Variants in AGAP1 observed in about 807,000 individuals in gnomAD.
AGAP1 encodes the protein arf-GAP with GTPase, ANK repeat and PH domain-containing protein 1.
In AGAP1, 29 loss-of-function variants were observed where a neutral mutation model predicts 105.3. The ratio of observed to expected loss-of-function variants is 0.28; its 90% CI spans 0.21 to 0.38. The LOEUF (loss-of-function observed/expected upper bound fraction) is 0.38, where lower values mean the gene tolerates loss of function less well. Among genes scored for constraint, AGAP1 ranks in the 10% least tolerant of loss-of-function variants. AGAP1 has a pLI of 1.00. For synonymous variants in AGAP1, 509 were observed against 485.9 expected, an observed-to-expected ratio of 1.05 and a Z score of -0.63; for missense variants, 998 against 1,165.1, an observed-to-expected ratio of 0.86 and a Z score of 2.09.
At chr2:235,924,807 C>T (rs989745224) in intron 11 of AGAP1, among the ~76,000 whole-genome samples, 4 of 152,028 alleles carry the variant, frequency 2.6e-5, no homozygotes, top group South Asian at 2.1e-4. Context: ...CTGTGGAGAG[C>T]GACATTTACT....
intron 6 of AGAP1, among the ~76,000 whole-genome samples, chr2:235,786,895 C>G (rs1020610341): frequency 6.6e-6 from 1 of 152,208 alleles, no homozygotes; most frequent in African/African-American, 2.4e-5. Flanking sequence ...TCCATTGGTC[C>G]TCCTGGCCCT....
At chr2:235,975,631 T>G (rs1575943329) in intron 13 of AGAP1, among the ~76,000 whole-genome samples, 1 of 152,338 alleles carries the variant, frequency 6.6e-6, no homozygotes, top group East Asian at 1.9e-4. Context: ...GCCCAGAAAC[T>G]GTTACCTTCC....
intron 3 of AGAP1, among the ~76,000 whole-genome samples, chr2:235,735,437 A>C (rs192911466): frequency 2.6e-5 from 4 of 152,154 alleles, no homozygotes; most frequent in African/African-American, 4.8e-5. Context: ...CTGTAGCTCA[A>C]CCTCGCGTGA....
chr2:236,047,242 C>G (rs890229449), intron 15 of AGAP1, among the ~76,000 whole-genome samples: 1 of 152,110 alleles, frequency 6.6e-6, no homozygotes, highest in African/African-American at 2.4e-5. Context: ...GGTTGTGCTG[C>G]GTCCATGGTC....
Position 235,793,466 on chromosome 2 carries a change from G to A in AGAP1, c.674-4293G>A, listed in dbSNP as rs932746872. ...TCGTGCTGTGGAACCAGGACAGTCT[G>A]TTGGGGTGCTGGCAGGGTGTTCGAT... On this transcript the variant is annotated intron_variant, in intron 6 of 17. Transcript: ENST00000304032. The surrounding 1 kb of genome is among the most constrained non-coding windows in gnomAD (Gnocchi z 5.3). Among the ~76,000 whole-genome samples, 3 of 152,222 alleles carry A rather than the reference G, an allele frequency of 2.0e-5. No individual in the cohort carries two copies. Among genetic ancestry groups the A allele is most frequent in the African/African-American group, 7.2e-5 (3 of 41,454 alleles).
intron 11 of AGAP1, among the ~76,000 whole-genome samples, chr2:235,923,236 A>G (rs185234724): frequency 2.6e-5 from 4 of 152,236 alleles, no homozygotes; most frequent in Non-Finnish European, 5.9e-5. Context: ...CCAGCATCCT[A>G]TACTGTTTGG....
intron 6 of AGAP1, among the ~76,000 whole-genome samples, chr2:235,767,239 T>C (rs1377063900): frequency 2.0e-5 from 3 of 151,254 alleles, no homozygotes; most frequent in Non-Finnish European, 2.9e-5. Flanking sequence ...GTATAATAAA[T>C]GGACTTATTA....
chr2:235,559,786 T>C lies in AGAP1; in HGVS notation c.163+64937T>C, dbSNP rs1267629995. Among the ~76,000 whole-genome samples, 4 of 152,176 alleles carry C rather than the reference T, an allele frequency of 2.6e-5. No homozygotes were observed. The highest frequency in any genetic ancestry group is 7.2e-5 in the African/African-American group (3 of 41,432). Reference sequence around the variant, plus strand: ...TTATCTTAAAGCATATTTATATATTTGTATATCTTAGGAGAAATACCTATT... The same window carrying C: ...TTATCTTAAAGCATATTTATATATTCGTATATCTTAGGAGAAATACCTATT... On this transcript the variant is annotated intron_variant, in intron 1 of 17. Transcript: ENST00000304032. The surrounding 1 kb of genome is among the most constrained non-coding windows in gnomAD (Gnocchi z 5.7).
At position 235,774,130 on chromosome 2, in the gene AGAP1, G is replaced by A. The variant is rs114760750; in HGVS notation, c.674-23629G>A. 1,126 of 390,200 alleles carry A rather than the reference G, an allele frequency of 2.9e-3. 5 individuals carry two copies. Among genetic ancestry groups the A allele is most frequent in the African/African-American group, 0.023 (1,065 of 47,032 alleles). The allele number at this position is 390,200 out of a possible 1,614,324, so 24.2% of individuals were successfully genotyped here. Reference sequence around the variant, plus strand: ...ATCCAGATCTAGGAGAAAACTATTTGTAGAAGTCTTGAAAATTCAACTCAT... The same window carrying A: ...ATCCAGATCTAGGAGAAAACTATTTATAGAAGTCTTGAAAATTCAACTCAT... On this transcript the variant is annotated intron_variant, in intron 6 of 17. Transcript: ENST00000304032.
rs541727959 is a variant in AGAP1 at position 235,992,959 on chromosome 2, A to G, written c.1645+24336A>G. 7.2e-5 allele frequency among the ~76,000 whole-genome samples: 11 copies of G among 152,184 alleles called. No homozygotes were observed. Among genetic ancestry groups the G allele is most frequent in the Non-Finnish European group, 1.6e-4 (11 of 68,034 alleles). ...TGGCTGGCCACATAGTGGAACTGGA[A>G]ATGCCTCCATGCTGACGTGTCTGCC... is the stretch of plus-strand genomic sequence containing the variant. On this transcript the variant is annotated intron_variant, in intron 13 of 17. Coordinates refer to ENST00000304032, the MANE Select transcript of AGAP1 (RefSeq NM_001037131.3). This position sits in a 1 kb window ranked among gnomAD's most constrained non-coding sequence, Gnocchi z 4.8.
At chr2:235,827,440 T>C (rs62190881) in intron 9 of AGAP1, among the ~76,000 whole-genome samples, 27,811 of 152,084 alleles carry the variant, frequency 0.18, 2,636 homozygotes, top group South Asian at 0.26. Context: ...TTGATATTTC[T>C]CCTGGTATTT....
chr2:236,032,737 G>C (rs1288910754), intron 13 of AGAP1, among the ~76,000 whole-genome samples: 5 of 152,104 alleles, frequency 3.3e-5, no homozygotes, highest in East Asian at 3.9e-4. Flanking sequence ...TCTGTAGAAG[G>C]GGGACATGAA....
chr2:235,681,298 CAT>C (rs1371124943), intron 1 of AGAP1, among the ~76,000 whole-genome samples: 7 of 152,280 alleles, frequency 4.6e-5, no homozygotes, highest in Admixed American at 6.5e-5. Flanking sequence ...CGTGAGCCAC[CAT>C]GCCCGGCAAT....
At position 235,690,332 on chromosome 2, in the gene AGAP1, G is replaced by C. The variant is rs1949679796; in HGVS notation, c.164-18847G>C. ...GCAGCAGGTGGGGTGGACTCCTGGG[G>C]CTGGGGAGGCCGTGCCCTGGGGGCA... is the stretch of plus-strand genomic sequence containing the variant. On this transcript the variant is annotated intron_variant, in intron 1 of 17. Transcript: ENST00000304032. The surrounding 1 kb of genome is among the most constrained non-coding windows in gnomAD (Gnocchi z 4.1). 2.9e-5 allele frequency among the ~76,000 whole-genome samples: 1 copy of C among 35,072 alleles called. No individual in the cohort carries two copies. Among genetic ancestry groups the C allele is most frequent in the Non-Finnish European group, 5.1e-5 (1 of 19,654 alleles). 23.0% of individuals were successfully genotyped at this position (35,072 alleles called of 152,430 possible). A position where few individuals can be genotyped will look rare whatever the true frequency, so the allele number is the denominator to read the frequency against.
chr2:235,776,858 T>C, intron 6 of AGAP1: 1 of 468,360 alleles, frequency 2.1e-6, no homozygotes, highest in South Asian at 1.6e-5. Flanking sequence ...TTTTCCAAAA[T>C]CTCGAGGCTC....
In AGAP1 at chr2:235,796,872, C is replaced by T. The variant is rs1038101689; in HGVS notation, c.674-887C>T. On this transcript the variant is annotated intron_variant, in intron 6 of 17. Coordinates refer to ENST00000304032, the MANE Select transcript of AGAP1 (RefSeq NM_001037131.3). ...TCAAATCAAAAGTGTAGTTATTCTG[C>T]GGCAGTGACACCATTGGTGTAGGAA... Among the ~76,000 whole-genome samples the T allele has an allele frequency of 6.4e-4, 98 of 152,182 alleles. 1 individual carries two copies. The highest frequency in any genetic ancestry group is 6.1e-3 in the Admixed American group (94 of 15,286).
intron 1 of AGAP1, among the ~76,000 whole-genome samples, chr2:235,676,137 C>T (rs1319050336): frequency 6.6e-6 from 1 of 152,186 alleles, no homozygotes; most frequent in Non-Finnish European, 1.5e-5. Context: ...TTCCTGTCTT[C>T]AGAGGTCAGT....
At chr2:235,548,213 G>T (rs1339413763) in intron 1 of AGAP1, among the ~76,000 whole-genome samples, 1 of 152,206 alleles carries the variant, frequency 6.6e-6, no homozygotes, top group South Asian at 2.1e-4. Flanking sequence ...GTAGTGACAG[G>T]GCTGCCCTGC....
intron 1 of AGAP1, among the ~76,000 whole-genome samples, chr2:235,563,662 T>C (rs1233188991): frequency 6.6e-6 from 1 of 152,118 alleles, no homozygotes; most frequent in Non-Finnish European, 1.5e-5. Flanking sequence ...TTTGGCTGTC[T>C]GGGTAAGTTC....
Sources: allele counts gnomAD v4.1 joint callset (sites outside exome capture counted in the v4.1 genomes callset), GRCh38; gene constraint gnomAD v4.1.1; non-coding constraint Gnocchi (gnomAD v3.1); transcripts MANE v1.5; gene names NCBI Gene and HGNC (gene_info 2026-07-23, HGNC 2026-07-21).